WIPF2: variants seen among roughly 807,000 people sequenced by gnomAD.
WIPF2 encodes the protein WAS/WASL-interacting protein family member 2.
In WIPF2, 23 loss-of-function variants were observed where a neutral mutation model predicts 38.8. The ratio of observed to expected loss-of-function variants is 0.59; its 90% CI spans 0.43 to 0.84. The LOEUF is 0.84. WIPF2 is among the 40% of genes least tolerant of loss of function. WIPF2 has a pLI of 0.00. For missense variants in WIPF2, 574 were observed against 580.5 expected, an observed-to-expected ratio of 0.99 and a Z score of 0.11; for synonymous variants, 210 against 223.2, an observed-to-expected ratio of 0.94 and a Z score of 0.53.
intron 1 of WIPF2, among the ~76,000 whole-genome samples, chr17:40,224,629 T>G (rs1250204241): frequency 6.6e-6 from 1 of 151,776 alleles, no homozygotes; most frequent in Non-Finnish European, 1.5e-5. Context: ...CAGTCCTATG[T>G]AGAAAGTGGC....
rs140150937 is a variant in WIPF2 at position 40,264,956 on chromosome 17, G to T, written c.780G>T (p.Gly260=). ...PPPPPYRQPP[G]VPNGPSSPTN... ...CTCCGCCTTACCGCCAGCCTCCTGG[G>T]GTCCCCAATGGACCCTCTAGCCCCA... Residue 260 remains glycine (G), a synonymous_variant, in exon 5 of 8, where the codon GGG becomes GGT. Transcript: ENST00000323571. 1 of 1,614,020 alleles carries T rather than the reference G, an allele frequency of 6.2e-7. No individual in the cohort carries two copies. Among genetic ancestry groups the T allele is most frequent in the Non-Finnish European group, 8.5e-7 (1 of 1,179,998 alleles).
intron 1 of WIPF2, among the ~76,000 whole-genome samples, chr17:40,248,472 A>G (rs2031448774): frequency 1.3e-5 from 2 of 152,008 alleles, no homozygotes; most frequent in African/African-American, 2.4e-5. Context: ...CCTGGCCTAA[A>G]AAATATTTCT....
rs192500581 is a variant in WIPF2, at chr17:40,247,183, C to T, written c.-69-9208C>T. ...GGACATAGGTGTATGAAATGTTCCT[C>T]GAAAATTTAATTCTTATTTCAGGGT... On this transcript the variant is annotated intron_variant, in intron 1 of 7. Transcript: ENST00000323571. Among the ~76,000 whole-genome samples the T allele has an allele frequency of 4.9e-4, 72 of 145,776 alleles. No homozygotes were observed. The East Asian group carries it at 6.2e-3, about 12-fold the overall frequency.
intron 2 of WIPF2, among the ~76,000 whole-genome samples, chr17:40,259,782 C>T (rs1003442467): frequency 4.6e-5 from 7 of 152,046 alleles, no homozygotes; most frequent in Admixed American, 6.6e-5. Context: ...TTCCAAATGG[C>T]GACAATGATA....
intron 1 of WIPF2, among the ~76,000 whole-genome samples, chr17:40,231,391 TC>T (rs2145291075): frequency 6.6e-6 from 1 of 152,082 alleles, no homozygotes; most frequent in African/African-American, 2.4e-5. Context: ...CACTGGATTT[TC>T]CTTCTATCTG....
intron 1 of WIPF2, among the ~76,000 whole-genome samples, chr17:40,234,584 C>G (rs2030884043): frequency 6.6e-6 from 1 of 152,064 alleles, no homozygotes; most frequent in Admixed American, 6.6e-5. Flanking sequence ...ATGATCACAC[C>G]ACTGCACTCC....
intron 1 of WIPF2, among the ~76,000 whole-genome samples, chr17:40,239,450 C>T (rs186052302): frequency 1.3e-5 from 2 of 152,186 alleles, no homozygotes; most frequent in African/African-American, 4.8e-5. Context: ...ATTGGGATTA[C>T]AGGCACCCTG....
intron 1 of WIPF2, among the ~76,000 whole-genome samples, chr17:40,253,901 A>G (rs898127911): frequency 6.6e-6 from 1 of 152,078 alleles, no homozygotes; most frequent in African/African-American, 2.4e-5. Context: ...CTTTCCTTTC[A>G]TCATTCCCAG....
intron 3 of WIPF2, among the ~76,000 whole-genome samples, chr17:40,261,357 G>A (rs1320724751): frequency 1.3e-5 from 2 of 151,886 alleles, no homozygotes; most frequent in Non-Finnish European, 2.9e-5. Context: ...GCAGTGGCAC[G>A]GTTTCAGCTC....
At chr17:40,253,848 C>T (rs528847531) in intron 1 of WIPF2, among the ~76,000 whole-genome samples, 5 of 152,242 alleles carry the variant, frequency 3.3e-5, no homozygotes, top group Admixed American at 3.3e-4. Flanking sequence ...TTCTACTCTC[C>T]TGCAGTGGTT....
chr17:40,264,353 A>AAT, intron 4 of WIPF2, 137 bp from the exon 5 acceptor site: 1 of 588,394 alleles, frequency 1.7e-6, no homozygotes, highest in Non-Finnish European at 2.8e-6. Context: ...AAAAAAAAAA[A>AAT]GAAAAACAAA....
intron 5 of WIPF2, among the ~76,000 whole-genome samples, chr17:40,266,237 CA>C (rs973061072): frequency 0.012 from 736 of 62,364 alleles, 6 homozygotes; most frequent in African/African-American, 0.035. Flanking sequence ...CAGTCCATCT[CA>C]AAAAAAAAAA....
intron 1 of WIPF2, among the ~76,000 whole-genome samples, chr17:40,245,958 G>T (rs1012895378): frequency 2.6e-5 from 4 of 152,104 alleles, no homozygotes; most frequent in Non-Finnish European, 5.9e-5. Flanking sequence ...AACACGTATA[G>T]CCTTGTGTTT....
In WIPF2 at chr17:40,277,099, G is replaced by A. The variant is rs1158498873; in HGVS notation, c.1197G>A (p.Lys399=). The A allele has an allele frequency of 6.2e-7, 1 of 1,612,542 alleles. No individual in the cohort carries two copies. Among genetic ancestry groups the A allele is most frequent in the East Asian group, 2.2e-5 (1 of 44,840 alleles). ...VRSFLDDFES[K]YSFHPVEDFP... The stretch of plus-strand genomic sequence containing the variant: ...TTTTCGCAGATGATTTTGAGTCAAA[G>A]TATTCCTTCCATCCAGTAGAAGACT... Residue 399 remains lysine (K), a synonymous_variant, in exon 7 of 8, where the codon AAG becomes AAA. Coordinates refer to ENST00000323571, the MANE Select transcript of WIPF2 (RefSeq NM_133264.5).
At chr17:40,244,338 T>C (rs2031288561) in intron 1 of WIPF2, among the ~76,000 whole-genome samples, 1 of 152,158 alleles carries the variant, frequency 6.6e-6, no homozygotes, top group Non-Finnish European at 1.5e-5. Context: ...TCCTGGCTCT[T>C]TTCTCATTTT....
chr17:40,249,967 G>A (rs2031499394), intron 1 of WIPF2, among the ~76,000 whole-genome samples: 1 of 151,328 alleles, frequency 6.6e-6, no homozygotes, highest in African/African-American at 2.4e-5. Flanking sequence ...GGAGTAGCTG[G>A]GACTACAGGC....
At chr17:40,259,859 A>T (rs184603919) in intron 2 of WIPF2, among the ~76,000 whole-genome samples, 4 of 152,336 alleles carry the variant, frequency 2.6e-5, no homozygotes, top group African/African-American at 9.6e-5. Context: ...TGCTTACCAC[A>T]GTGCCTAAGT....
rs1481375571 is a variant in WIPF2 at position 40,283,394 on chromosome 17, A to G, written c.*5169A>G. On this transcript the variant is annotated 3_prime_UTR_variant, in exon 8 of 8. Transcript: ENST00000323571. ...CGTGTAGCTGGGACCACAGGTGTGT[A>G]CCACTATGCCTGGCTAATTTTGAAA... 1 of 151,748 alleles carries G rather than the reference A, an allele frequency of 6.6e-6. No individual in the cohort carries two copies. The highest frequency in any genetic ancestry group is 1.5e-5 in the Non-Finnish European group (1 of 68,058). The allele number at this position is 151,748 out of a possible 1,614,324, so 9.4% of individuals were successfully genotyped here. A position where few individuals can be genotyped will look rare whatever the true frequency, so the allele number is the denominator to read the frequency against.
chr17:40,256,290 T>C (rs17679361), intron 1 of WIPF2, 101 bp from the exon 2 acceptor site: 16,224 of 855,112 alleles, frequency 0.019, 203 homozygotes, highest in Non-Finnish European at 0.023. Flanking sequence ...AAAGATAAGG[T>C]GTTCAGTCTC....
Sources: allele counts gnomAD v4.1 joint callset (sites outside exome capture counted in the v4.1 genomes callset), GRCh38; gene constraint gnomAD v4.1.1; transcripts MANE v1.5; gene names NCBI Gene and HGNC (gene_info 2026-07-23, HGNC 2026-07-21).